The following N4BP2L2 variants were observed in gnomAD, a reference collection of about 807,000 sequenced individuals.
The protein encoded by N4BP2L2 is NEDD4 binding protein 2 like 2.
Under a neutral mutation model 56.2 loss-of-function variants are expected in N4BP2L2, and 50 were observed. That is an observed-to-expected ratio of 0.89 (90% CI 0.71 to 1.13). N4BP2L2 has a LOEUF of 1.13. Ranked by LOEUF, N4BP2L2 falls within the 50% of genes most tolerant of loss-of-function variation. The pLI is 0.00. For missense variants in N4BP2L2, 689 were observed against 693.8 expected (o/e 0.99, Z 0.08); for synonymous variants, 203 against 223.6 (o/e 0.91, Z 0.82).
At chr13:32,535,300 A>C (rs763572560) in intron 2 of N4BP2L2, among the ~76,000 whole-genome samples, 4 of 152,214 alleles carry the variant, frequency 2.6e-5, no homozygotes, top group Non-Finnish European at 5.9e-5. Context: ...CTTTCCTTGA[A>C]CAGCTGACTC....
chr13:32,505,810 A>C (rs2090855220), downstream of N4BP2L2: 1 of 151,784 alleles, frequency 6.6e-6, no homozygotes. Context: ...AAGATGACAG[A>C]AGCTTTCTCA....
At chr13:32,472,100 G>A (rs919320245) in intron 6 of N4BP2L2, among the ~76,000 whole-genome samples, 1 of 152,124 alleles carries the variant, frequency 6.6e-6, no homozygotes, top group Non-Finnish European at 1.5e-5. Context: ...AAATAGGATG[G>A]TCTATAAGAC....
chr13:32,505,079 C>T (rs2090705232), intron 6 of N4BP2L2: 2 of 152,272 alleles, frequency 1.3e-5, no homozygotes, highest in Non-Finnish European at 2.9e-5. Context: ...AGTAGCCTAC[C>T]TTGACTCCTC....
chr13:32,479,529 C>T (rs2084116680), intron 6 of N4BP2L2, among the ~76,000 whole-genome samples: 1 of 151,756 alleles, frequency 6.6e-6, no homozygotes, highest in South Asian at 2.1e-4. Context: ...GATCCGCCTG[C>T]CTTGACCTCC....
chr13:32,520,677 G>T (rs568487264), intron 5 of N4BP2L2, among the ~76,000 whole-genome samples: 10 of 145,036 alleles, frequency 6.9e-5, no homozygotes, highest in Middle Eastern at 3.6e-3. Context: ...AAAAGTAAAG[G>T]AAAAAAAAAA....
At chr13:32,491,484 G>A (rs1354914220) in intron 6 of N4BP2L2, among the ~76,000 whole-genome samples, 1 of 149,426 alleles carries the variant, frequency 6.7e-6, no homozygotes, top group Non-Finnish European at 1.5e-5. Flanking sequence ...AAGTAGTTAT[G>A]TCAATAATCA....
At chr13:32,502,086 C>A (rs1873482380) in intron 6 of N4BP2L2, among the ~76,000 whole-genome samples, 4 of 127,844 alleles carry the variant, frequency 3.1e-5, no homozygotes, top group African/African-American at 1.2e-4. Flanking sequence ...TTTTTTGAGA[C>A]AGAATCTTGC....
chr13:32,527,451 A>T, exon 3 of N4BP2L2: 1 of 1,614,060 alleles, frequency 6.2e-7, no homozygotes, highest in South Asian at 1.1e-5. Flanking sequence ...GTTGATTAAC[A>T]TTATACCTGT....
chr13:32,471,521 C>CAG (rs1341505369), intron 6 of N4BP2L2, among the ~76,000 whole-genome samples: 2 of 152,056 alleles, frequency 1.3e-5, no homozygotes, highest in South Asian at 2.1e-4. Context: ...CGAAGAAAGA[C>CAG]AGAGAGAGAG....
chr13:32,525,124 G>C (rs1015605511), intron 3 of N4BP2L2: 1 of 152,068 alleles, frequency 6.6e-6, no homozygotes, highest in African/African-American at 2.4e-5. Flanking sequence ...GTTCACCAAA[G>C]GTATACTGGC....
intron 2 of N4BP2L2, among the ~76,000 whole-genome samples, chr13:32,530,449 T>C (rs2054398063): frequency 6.6e-6 from 1 of 152,148 alleles, no homozygotes; most frequent in African/African-American, 2.4e-5. Context: ...GTCAGAACTC[T>C]CAAGTCAGGT....
chr13:32,490,463 C>T (rs2086821285), intron 6 of N4BP2L2, among the ~76,000 whole-genome samples: 1 of 152,064 alleles, frequency 6.6e-6, no homozygotes, highest in South Asian at 2.1e-4. Context: ...TGTCACCATG[C>T]CCGGCTAATT....
At chr13:32,490,235 T>C (rs1296743399) in intron 6 of N4BP2L2, 1 of 152,206 alleles carries the variant, frequency 6.6e-6, no homozygotes, top group Non-Finnish European at 1.5e-5. Flanking sequence ...GCCTGTGACA[T>C]AGTAGGTGCC....
intron 6 of N4BP2L2, among the ~76,000 whole-genome samples, chr13:32,471,077 C>G (rs1423011637): frequency 6.6e-6 from 1 of 152,142 alleles, no homozygotes; most frequent in East Asian, 1.9e-4. Context: ...GAGGTGACAC[C>G]TACAGTAATC....
At chr13:32,440,013 G>A (rs1403463193) in intron 7 of N4BP2L2, among the ~76,000 whole-genome samples, 11 of 144,494 alleles carry the variant, frequency 7.6e-5, no homozygotes, top group South Asian at 2.2e-4. Flanking sequence ...GTGGCAGAGC[G>A]AGACTCCGTC....
chr13:32,443,964 A>C, exon 7 of N4BP2L2: 1 of 1,604,094 alleles, frequency 6.2e-7, no homozygotes, highest in South Asian at 1.1e-5. Context: ...CTTCCTCTTC[A>C]CTCTGAGATG....
intron 7 of N4BP2L2, among the ~76,000 whole-genome samples, chr13:32,441,408 G>A (rs2076305169): frequency 1.3e-5 from 2 of 152,158 alleles, no homozygotes; most frequent in South Asian, 4.1e-4. Flanking sequence ...TTTTCTGGTG[G>A]CCTGGTGGTT....
chr13:32,494,342 T>C (rs963876998), intron 6 of N4BP2L2, among the ~76,000 whole-genome samples: 10 of 152,180 alleles, frequency 6.6e-5, no homozygotes, highest in Middle Eastern at 3.2e-3. Flanking sequence ...TAAATCCCTT[T>C]TAGCCCTAAT....
intron 9 of N4BP2L2, among the ~76,000 whole-genome samples, chr13:32,435,326 C>T (rs907891475): frequency 2.0e-5 from 3 of 152,174 alleles, no homozygotes; most frequent in Non-Finnish European, 4.4e-5. Flanking sequence ...CTCTGCCTCC[C>T]AGGTTCAAGC....
Sources: allele counts gnomAD v4.1 joint callset (sites outside exome capture counted in the v4.1 genomes callset), GRCh38; gene constraint gnomAD v4.1.1; transcripts MANE v1.5; gene names NCBI Gene and HGNC (gene_info 2026-07-23, HGNC 2026-07-21).